The following GBF1 variants were observed in gnomAD, a reference collection of about 807,000 sequenced individuals.
GBF1 encodes Golgi-specific brefeldin A-resistance guanine nucleotide exchange factor 1.
In GBF1, 114 loss-of-function variants were observed where a neutral mutation model predicts 210.5. The ratio of observed to expected loss-of-function variants is 0.54; its 90% confidence interval spans 0.47 to 0.63. The LOEUF (loss-of-function observed/expected upper bound fraction) is 0.63, where lower values mean the gene tolerates loss of function less well. GBF1 is among the 30% of genes least tolerant of loss of function. GBF1 has a pLI of 0.00. For missense variants in GBF1, 1,851 were observed against 2,357.7 expected (o/e 0.79, Z 4.45); for synonymous variants, 850 against 889.2 (o/e 0.96, Z 0.78).
At chr10:102,351,453 G>GA in intron 5 of GBF1, 79 bp downstream of exon 5, 2 of 855,980 alleles carry the variant, frequency 2.3e-6, no homozygotes, top group South Asian at 2.8e-5. Context: ...CCCACAGCAT[G>GA]AAACTGTGTT....
chr10:102,318,798 C>G (rs1252049741), intron 3 of GBF1, among the ~76,000 whole-genome samples: 1 of 152,096 alleles, frequency 6.6e-6, no homozygotes, highest in Non-Finnish European at 1.5e-5. Flanking sequence ...TAAGCATTAT[C>G]TATTGACTTC....
chr10:102,279,958 A>AT (rs140829227), intron 3 of GBF1, among the ~76,000 whole-genome samples: 1,583 of 151,614 alleles, frequency 0.01, 23 homozygotes, highest in African/African-American at 0.036. Context: ...TCTCTACTAA[A>AT]TTTTTTTTTG....
intron 3 of GBF1, among the ~76,000 whole-genome samples, chr10:102,294,537 A>G (rs1416659442): frequency 2.0e-5 from 3 of 151,446 alleles, no homozygotes; most frequent in South Asian, 2.1e-4. Context: ...GCCTGTCACC[A>G]CGCCCGGCTA....
rs2060448285 is a variant in GBF1 at position 102,375,559 on chromosome 10, A to G, written c.3861A>G (p.Thr1287=). ...AGCCTCCAGCTGCTCTGCAGGCCAC[A>G]GCCAGGGCAGATGCACCTGATGCCG... ...GVKPPAALQA[T]ARADAPDAGA... is the part of the protein sequence containing the mutation. The change falls in exon 30 of 40, where the codon ACA becomes ACG. Residue 1287 remains threonine, a synonymous_variant. Transcript: ENST00000369983. 1 of 1,612,614 alleles carries G rather than the reference A, an allele frequency of 6.2e-7. No individual in the cohort carries two copies. The highest frequency in any genetic ancestry group is 1.3e-5 in the African/African-American group (1 of 74,938).
At position 102,369,875 on chromosome 10, in the gene GBF1, T is replaced by C; in HGVS notation, c.3230T>C (p.Val1077Ala). 1 of 1,614,096 alleles carries C rather than the reference T, an allele frequency of 6.2e-7. No individual in the cohort carries two copies. The highest frequency in any genetic ancestry group is 8.5e-7 in the Non-Finnish European group (1 of 1,180,010). The change falls in exon 26 of 40, where the codon GTG becomes GCG. Residue 1077 changes from valine to alanine, a missense_variant. This residue lies in a region of GBF1 where 967 missense variants were observed against 1,247.7 expected (regional missense o/e 0.78). Coordinates refer to ENST00000369983, the MANE Select transcript of GBF1 (RefSeq NM_001377137.1). ...TTTTTCTACAGAGGAGAGTCAACAG[T>C]GCTGAGCTTTGTGAGCTGGCTAACA... ...ETPSNRGESTVLSFVSWLTLS... is the reference protein window; with the variant it reads ...ETPSNRGESTALSFVSWLTLS...
chr10:102,276,322 C>A (rs1487455049), intron 3 of GBF1, among the ~76,000 whole-genome samples: 2 of 151,760 alleles, frequency 1.3e-5, no homozygotes, highest in African/African-American at 4.8e-5. Flanking sequence ...GTCAGGAGAT[C>A]GAGACCATCC....
At chr10:102,352,980 T>C (rs11191267) in intron 7 of GBF1, among the ~76,000 whole-genome samples, 52,194 of 152,050 alleles carry the variant, frequency 0.34, 9,325 homozygotes, top group South Asian at 0.48. Context: ...GGTTACCCTT[T>C]GGTAAGGCCC....
intron 3 of GBF1, among the ~76,000 whole-genome samples, chr10:102,308,674 A>G (rs1418609638): frequency 1.4e-5 from 2 of 145,830 alleles, no homozygotes; most frequent in Non-Finnish European, 3.0e-5. Context: ...GAATTGAACA[A>G]TGAGAACACA....
chr10:102,239,738 CA>C, the GBF1 span, among the ~76,000 whole-genome samples: 1 of 152,224 alleles, frequency 6.6e-6, no homozygotes, highest in Admixed American at 6.5e-5. Flanking sequence ...CTATCTTGCT[CA>C]CTTATATGGA....
intron 3 of GBF1, among the ~76,000 whole-genome samples, chr10:102,262,021 A>G (rs1268305226): frequency 6.6e-6 from 1 of 152,098 alleles, no homozygotes; most frequent in East Asian, 1.9e-4. Context: ...AGTAACTGGG[A>G]TTATAGGCGT....
At chr10:102,267,672 C>T (rs926865796) in intron 3 of GBF1, among the ~76,000 whole-genome samples, 1 of 152,136 alleles carries the variant, frequency 6.6e-6, no homozygotes, top group African/African-American at 2.4e-5. Context: ...TTGAATGGGT[C>T]ATCAGCTTTT....
At chr10:102,380,129 T>G in intron 36 of GBF1, 120 bp from the exon 37 acceptor site, 2 of 778,728 alleles carry the variant, frequency 2.6e-6, no homozygotes, top group South Asian at 3.0e-5. Flanking sequence ...AAATCAGAGA[T>G]TCCTCCATCT....
chr10:102,360,728 A>G (rs145155064), intron 12 of GBF1, among the ~76,000 whole-genome samples: 1,564 of 152,304 alleles, frequency 0.01, 22 homozygotes, highest in African/African-American at 0.036. Flanking sequence ...CTGTAATCCC[A>G]GCACTTTGGG....
chr10:102,250,221 T>A (rs913566927), intron 1 of GBF1, among the ~76,000 whole-genome samples: 2 of 152,066 alleles, frequency 1.3e-5, no homozygotes, highest in Admixed American at 6.5e-5. Context: ...TGAGACAGAG[T>A]CTCTCTCTGC....
At chr10:102,346,347 G>A (rs1207234696) in intron 4 of GBF1, among the ~76,000 whole-genome samples, 2 of 152,232 alleles carry the variant, frequency 1.3e-5, no homozygotes, top group East Asian at 1.9e-4. Context: ...TAAAGACCAC[G>A]TGCATATTGC....
intron 39 of GBF1, among the ~76,000 whole-genome samples, chr10:102,381,821 G>A (rs1241181509): frequency 5.4e-5 from 4 of 73,524 alleles, no homozygotes; most frequent in Admixed American, 4.1e-4. Context: ...AGACCCTGTC[G>A]CGAAAAAAAA....
At chr10:102,303,884 G>C (rs555127373) in intron 3 of GBF1, among the ~76,000 whole-genome samples, 2 of 152,076 alleles carry the variant, frequency 1.3e-5, no homozygotes, top group Non-Finnish European at 2.9e-5. Flanking sequence ...TTATCAAGCC[G>C]AGGAGGTAGG....
rs1393180152 is a variant in GBF1, at chr10:102,369,407, T to C, written c.3150+20T>C. On this transcript the variant is annotated intron_variant, in intron 24 of 39. Coordinates refer to ENST00000369983, the MANE Select transcript of GBF1 (RefSeq NM_001377137.1). ...ATAGAGGTAATTCTTAGTAGGAGACTAGTGAGCGATAACAAGGCAAGAGCT... is the reference window on the plus strand; with the variant it reads ...ATAGAGGTAATTCTTAGTAGGAGACCAGTGAGCGATAACAAGGCAAGAGCT... 1 of 1,580,050 alleles carries C rather than the reference T, an allele frequency of 6.3e-7. No homozygotes were observed.
intron 4 of GBF1, among the ~76,000 whole-genome samples, 170 bp from the exon 5 acceptor site, chr10:102,351,086 C>CAAAA (rs531631806): frequency 0.015 from 1,209 of 81,302 alleles, 14 homozygotes; most frequent in African/African-American, 0.048. Context: ...GACTCTGTCT[C>CAAAA]AAAAAAAAAA....
Sources: gnomAD v4.1 joint callset for allele counts (sites outside exome capture counted in the v4.1 genomes callset) on GRCh38, gnomAD v4.1.1 for gene constraint, gnomAD v4.1.1 regional missense constraint, MANE v1.5 for transcripts, NCBI Gene and HGNC (gene_info 2026-07-23, HGNC 2026-07-21) for gene names.